The following TIAM2 variants were observed in gnomAD, a reference collection of about 807,000 sequenced individuals.
TIAM2 encodes TIAM Rac1 associated GEF 2.
Under a neutral mutation model 152.9 loss-of-function variants are expected in TIAM2, and 80 were observed. That is an observed-to-expected ratio of 0.52 (90% CI 0.44 to 0.63). The LOEUF is 0.63. TIAM2 is among the 30% of genes least tolerant of loss of function. The probability of loss-of-function intolerance (pLI) is 0.00; values close to 1 mark genes in which losing one functional copy is unlikely to be tolerated. For synonymous variants in TIAM2, 804 were observed against 838.0 expected, an observed-to-expected ratio of 0.96 and a Z score of 0.70; for missense variants, 1,965 against 2,120.1, an observed-to-expected ratio of 0.93 and a Z score of 1.44.
chr6:155,062,575 CTTTT>C (rs1777609012), intron 1 of TIAM2, among the ~76,000 whole-genome samples: 1 of 126,408 alleles, frequency 7.9e-6, no homozygotes, highest in African/African-American at 2.7e-5. Flanking sequence ...TTTTTCTTTT[CTTTT>C]TCTTTTCTTT....
At chr6:155,039,797 G>C (rs1464067368) in intron 1 of TIAM2, among the ~76,000 whole-genome samples, 1 of 152,156 alleles carries the variant, frequency 6.6e-6, no homozygotes, top group African/African-American at 2.4e-5. Context: ...AATAAAGCAG[G>C]GTGTGCCTGT....
chr6:155,103,177 C>T lies in TIAM2; in HGVS notation c.-118+12798C>T, dbSNP rs534832586. Among the ~76,000 whole-genome samples the T allele has an allele frequency of 5.3e-5, 8 of 152,188 alleles. No homozygotes were observed. The Middle Eastern group carries it at 0.014, about 259-fold the overall frequency. Reference sequence around the variant, plus strand: ...GATGGAGAACTAAATTGACAGTATACGACTGTAGTTGGGCAGTCTAAAGAA... The same window carrying T: ...GATGGAGAACTAAATTGACAGTATATGACTGTAGTTGGGCAGTCTAAAGAA... On this transcript the variant is annotated intron_variant, in intron 2 of 26. Coordinates refer to ENST00000682666, the MANE Select transcript of TIAM2 (RefSeq NM_012454.4).
chr6:155,061,871 G>T (rs1197235964), intron 1 of TIAM2, among the ~76,000 whole-genome samples: 5 of 152,134 alleles, frequency 3.3e-5, no homozygotes, highest in Non-Finnish European at 7.4e-5. Context: ...GTGGTGTACA[G>T]TTTTATGGGT....
chr6:155,254,436 C>T lies in TIAM2; in HGVS notation c.4331C>T (p.Thr1444Ile), dbSNP rs773606966. 2 of 1,612,274 alleles carry T rather than the reference C, an allele frequency of 1.2e-6. No homozygotes were observed. Among genetic ancestry groups the T allele is most frequent in the East Asian group, 4.5e-5 (2 of 44,838 alleles). ...CCACCCAGTGACAGTGAAAGCAAAA[C>T]CAACATTGTTAAGGTGATTCGTTCT... is the stretch of plus-strand genomic sequence containing the variant. ...QLCCSDSESKTNIVKVIRSIL... is the reference protein window; with the variant it reads ...QLCCSDSESKINIVKVIRSIL... The change falls in exon 26 of 27, where the codon ACC becomes ATC. Residue 1444 changes from threonine (T) to isoleucine (I), a missense_variant. Transcript: ENST00000682666.
intron 1 of TIAM2, among the ~76,000 whole-genome samples, chr6:154,997,481 A>G (rs1778236552): frequency 6.6e-6 from 1 of 152,022 alleles, no homozygotes; most frequent in Non-Finnish European, 1.5e-5. Context: ...GAGAGGATAC[A>G]TTTGGCAATT....
At chr6:155,000,529 C>CA (rs58867200) in intron 1 of TIAM2, among the ~76,000 whole-genome samples, 33,248 of 97,632 alleles carry the variant, frequency 0.34, 6,438 homozygotes, top group East Asian at 0.44. Flanking sequence ...GAAACTGTTG[C>CA]AAAAAAAAAA....
intron 23 of TIAM2, 39 bp from the exon 24 acceptor site, chr6:155,252,909 C>G: frequency 6.4e-7 from 1 of 1,563,842 alleles, no homozygotes; most frequent in South Asian, 1.1e-5. Flanking sequence ...TCAGTGACAG[C>G]TTCCCTAACA....
At chr6:155,014,692 G>A (rs1301340953) in intron 1 of TIAM2, among the ~76,000 whole-genome samples, 1 of 151,996 alleles carries the variant, frequency 6.6e-6, no homozygotes, top group Admixed American at 6.6e-5. Flanking sequence ...ATATTATGTG[G>A]TTCATTTACT....
In TIAM2 at chr6:155,139,069, G is replaced by T. The variant is rs565577758; in HGVS notation, c.1630+1457G>T. On this transcript the variant is annotated intron_variant, in intron 5 of 26. Coordinates refer to ENST00000682666, the MANE Select transcript of TIAM2 (RefSeq NM_012454.4). ...TGGGACTCTTTGTCAGAGGAGCTGA[G>T]TGTGTTGTTCAAAAGCCAAACCTCA... Among the ~76,000 whole-genome samples the T allele has an allele frequency of 3.2e-3, 495 of 152,356 alleles. 2 individuals carry two copies. The highest frequency in any genetic ancestry group is 0.013 in the South Asian group (65 of 4,824).
At chr6:155,238,358 C>CT (rs1307620843) in intron 15 of TIAM2, among the ~76,000 whole-genome samples, 1 of 152,114 alleles carries the variant, frequency 6.6e-6, no homozygotes, top group African/African-American at 2.4e-5. Flanking sequence ...CTTTTCCACA[C>CT]TTTCCTGTCT....
chr6:155,204,988 G>A (rs1312165588), intron 14 of TIAM2, among the ~76,000 whole-genome samples: 2 of 151,960 alleles, frequency 1.3e-5, no homozygotes, highest in Non-Finnish European at 2.9e-5. Context: ...GGTAAACAGT[G>A]GAAGAGAACA....
intron 1 of TIAM2, among the ~76,000 whole-genome samples, chr6:155,068,797 A>C (rs1405242473): frequency 6.6e-6 from 1 of 151,842 alleles, no homozygotes; most frequent in African/African-American, 2.4e-5. Flanking sequence ...TTGAGATGGG[A>C]TCTCGCCATG....
chr6:155,091,983 G>A (rs1023700700), intron 2 of TIAM2, among the ~76,000 whole-genome samples: 1 of 152,132 alleles, frequency 6.6e-6, no homozygotes, highest in Non-Finnish European at 1.5e-5. Context: ...CTGCAACCTC[G>A]ACCACCCGGG....
chr6:155,248,124 C>G lies in TIAM2; in HGVS notation c.3777C>G (p.Leu1259=), dbSNP rs200662744. The part of the protein sequence containing the change: ...VQRVLKYPLL[L]KELVSLTDQE... ...GAGTGCTCAAGTACCCGCTGCTGCT[C>G]AAGGAGCTGGTGTCCCTGACGGACC... Residue 1259 remains leucine (L), a synonymous_variant, in exon 20 of 27, where the codon CTC becomes CTG. Transcript: ENST00000682666. 13 of 1,614,192 alleles carry G rather than the reference C, an allele frequency of 8.1e-6. No individual in the cohort carries two copies. Among genetic ancestry groups the G allele is most frequent in the Non-Finnish European group, 1.1e-5 (13 of 1,180,044 alleles).
chr6:155,099,545 A>G (rs1281507062), intron 2 of TIAM2, among the ~76,000 whole-genome samples: 1 of 152,202 alleles, frequency 6.6e-6, no homozygotes, highest in African/African-American at 2.4e-5. Flanking sequence ...GGTGTGGTAT[A>G]AGGCTCACAA....
At chr6:155,113,177 G>T (rs1307885160) in intron 2 of TIAM2, among the ~76,000 whole-genome samples, 1 of 151,760 alleles carries the variant, frequency 6.6e-6, no homozygotes, top group African/African-American at 2.4e-5. Context: ...TCTTCCCCTC[G>T]CTTGCTCTGC....
intron 1 of TIAM2, among the ~76,000 whole-genome samples, chr6:155,036,516 GA>G (rs992356519): frequency 0.093 from 5,866 of 63,370 alleles, 381 homozygotes; most frequent in African/African-American, 0.24. Flanking sequence ...TCTCAAAAAA[GA>G]AAAAAAAAAA....
At chr6:155,166,367 A>C in intron 9 of TIAM2, among the ~76,000 whole-genome samples, 1 of 148,704 alleles carries the variant, frequency 6.7e-6, no homozygotes, top group Non-Finnish European at 1.5e-5. Flanking sequence ...TCTGTCACCC[A>C]GGCTGGAATG....
At chr6:155,103,978 G>A (rs1778606981) in intron 2 of TIAM2, among the ~76,000 whole-genome samples, 1 of 147,874 alleles carries the variant, frequency 6.8e-6, no homozygotes, top group East Asian at 2.0e-4. Flanking sequence ...TGGGTCTGAA[G>A]GAAGCAGAGC....
Sources: allele counts gnomAD v4.1 joint callset (sites outside exome capture counted in the v4.1 genomes callset), GRCh38; gene constraint gnomAD v4.1.1; transcripts MANE v1.5; gene names NCBI Gene and HGNC (gene_info 2026-07-23, HGNC 2026-07-21).